The following CDHR5 variants were observed in gnomAD, a reference collection of about 807,000 sequenced individuals.
The protein encoded by CDHR5 is cadherin-related family member 5.
In CDHR5, 82 loss-of-function variants were observed where a neutral mutation model predicts 69.5. The observed-to-expected ratio is 1.18, with a 90% confidence interval of 0.99 to 1.42. The LOEUF (loss-of-function observed/expected upper bound fraction) is 1.42. Ranked by LOEUF, CDHR5 falls within the 40% of genes most tolerant of loss-of-function variation. The pLI is 0.00. For missense variants in CDHR5, 1,293 were observed against 1,168.9 expected, an observed-to-expected ratio of 1.11 and a Z score of -1.55; for synonymous variants, 601 against 510.2, an observed-to-expected ratio of 1.18 and a Z score of -2.40.
rs1220334312 is a variant in CDHR5, at chr11:621,323, G to A, written c.618+22C>T. Reference sequence around the variant, plus strand: ...GGGGGGCCTCAAGTGTGTGGGACTCGGGGCTGGGGTGACCTGCTCACCCGC... The same window carrying A: ...GGGGGGCCTCAAGTGTGTGGGACTCAGGGCTGGGGTGACCTGCTCACCCGC... On this transcript the variant is annotated intron_variant, in intron 6 of 14. Transcript: ENST00000397542. This position sits in a 1 kb window ranked among gnomAD's most constrained non-coding sequence, Gnocchi z 4.4. The A allele has an allele frequency of 3.7e-6, 6 of 1,612,518 alleles. No homozygotes were observed. Among genetic ancestry groups the A allele is most frequent in the Admixed American group, 3.3e-5 (2 of 59,998 alleles).
chr11:620,506 G>T, intron 7 of CDHR5, 120 bp from the exon 8 acceptor site: 1 of 657,792 alleles, frequency 1.5e-6, no homozygotes, highest in Non-Finnish European at 2.7e-6. Context: ...CCCGCTGGTG[G>T]CCGGGCGTCC....
At position 621,369 on chromosome 11, in the gene CDHR5, G is replaced by A; in HGVS notation, c.594C>T (p.Asn198=). The A allele has an allele frequency of 6.2e-7, 1 of 1,613,232 alleles. No homozygotes were observed. The highest frequency in any genetic ancestry group is 8.5e-7 in the Non-Finnish European group (1 of 1,179,966). The change falls in exon 6 of 15, where the codon AAC becomes AAT. Residue 198 remains asparagine (N), a synonymous_variant. Transcript: ENST00000397542. This position sits in a 1 kb window ranked among gnomAD's most constrained non-coding sequence, Gnocchi z 4.4. ...DRPLDFYERP[N]MTFWLLVRDT... is the part of the protein sequence containing the mutation. ...CCCGCACCAGCAGCCAGAAGGTCAT[G>A]TTCGGCCGCTCGTAGAAGTCCAGGG... is the stretch of plus-strand genomic sequence containing the variant.
In CDHR5 at chr11:624,532, T is replaced by C; in HGVS notation, c.261+25A>G. On this transcript the variant is annotated intron_variant, in intron 2 of 14. Coordinates refer to ENST00000397542, the MANE Select transcript of CDHR5 (RefSeq NM_021924.5). This position sits in a 1 kb window ranked among gnomAD's most constrained non-coding sequence, Gnocchi z 5.3. ...AGGTGCCCTTCTCCCGGGACCCCCATATCCCGCCCGCCTGCCGCCCACACC... is the reference window on the plus strand; with the variant it reads ...AGGTGCCCTTCTCCCGGGACCCCCACATCCCGCCCGCCTGCCGCCCACACC... The C allele has an allele frequency of 1.2e-6, 2 of 1,605,748 alleles. No homozygotes were observed. Among genetic ancestry groups the C allele is most frequent in the Non-Finnish European group, 1.7e-6 (2 of 1,174,402 alleles).
chr11:618,529 C>T, intron 13 of CDHR5, 70 bp downstream of exon 13: 2 of 1,568,578 alleles, frequency 1.3e-6, no homozygotes, highest in African/African-American at 1.3e-5. Context: ...GGGGTGGACC[C>T]TTCCTACAGC....
chr11:617,482 C>T lies in CDHR5; in HGVS notation c.2407G>A (p.Val803Met), dbSNP rs775311797. ...AGGGTGGGCGCGTTGAGAACGACCA[C>T]GTCTGCCTCCGTCCCGATGTCCTCG... ...FGEDIGTEADVVVLNAPTLDV... is the reference protein window; with the variant it reads ...FGEDIGTEADMVVLNAPTLDV... Residue 803 changes from valine to methionine, a missense_variant, in exon 15 of 15, where the codon GTG becomes ATG. Val to Met is a conservative substitution (Grantham distance 21). Coordinates refer to ENST00000397542, the MANE Select transcript of CDHR5 (RefSeq NM_021924.5). 2.8e-5 allele frequency: 45 copies of T among 1,612,744 alleles called. No individual in the cohort carries two copies. The highest frequency in any genetic ancestry group is 1.5e-4 in the African/African-American group (11 of 75,048).
In CDHR5 at chr11:621,986, T is replaced by C; in HGVS notation, c.313-82A>G. On this transcript the variant is annotated intron_variant, in intron 3 of 14. Coordinates refer to ENST00000397542, the MANE Select transcript of CDHR5 (RefSeq NM_021924.5). The surrounding 1 kb of genome is among the most constrained non-coding windows in gnomAD (Gnocchi z 4.4). Reference sequence around the variant, plus strand: ...CCTCGACGGCTATCCGTCCCCACCGTGAGTGAGGTGCACCCCTCAACGGCC... The same window carrying C: ...CCTCGACGGCTATCCGTCCCCACCGCGAGTGAGGTGCACCCCTCAACGGCC... 9.2e-7 allele frequency: 1 copy of C among 1,089,312 alleles called. No individual in the cohort carries two copies. The highest frequency in any genetic ancestry group is 1.3e-6 in the Non-Finnish European group (1 of 741,684). 67.5% of individuals were successfully genotyped at this position (1,089,312 alleles called of 1,614,324 possible). A position where few individuals can be genotyped will look rare whatever the true frequency, so the allele number is the denominator to read the frequency against.
In CDHR5 at chr11:617,244, CCAT is replaced by C; in HGVS notation, c.*104_*106del. The C allele has an allele frequency of 3.3e-6, 3 of 911,756 alleles. No individual in the cohort carries two copies. The East Asian group carries it at 7.9e-5, about 24-fold the overall frequency. The allele number at this position is 911,756 out of a possible 1,614,324, so 56.5% of individuals were successfully genotyped here. A position where few individuals can be genotyped will look rare whatever the true frequency, so the allele number is the denominator to read the frequency against. The stretch of plus-strand genomic sequence containing the variant: ...CATGGACCCGCGCGCCTGCCCCACG[CCAT>C]GGCCTGGGTTTCGGGAGCCTTGCTT... On this transcript the variant is annotated 3_prime_UTR_variant, in exon 15 of 15. Coordinates refer to ENST00000397542, the MANE Select transcript of CDHR5 (RefSeq NM_021924.5).
Position 621,793 on chromosome 11 carries a change from G to A in CDHR5, c.405+19C>T, listed in dbSNP as rs575662774. 2.0e-5 allele frequency: 32 copies of A among 1,607,190 alleles called. No individual in the cohort carries two copies. The highest frequency in any genetic ancestry group is 3.3e-4 in the Middle Eastern group (2 of 6,040). Reference sequence around the variant, plus strand: ...TCCCACACCCCCGTGCCCAGTCCCCGCGGCTTCGCTGGCCTCACCTCCTCC... The same window carrying A: ...TCCCACACCCCCGTGCCCAGTCCCCACGGCTTCGCTGGCCTCACCTCCTCC... On this transcript the variant is annotated intron_variant, in intron 4 of 14. Coordinates refer to ENST00000397542, the MANE Select transcript of CDHR5 (RefSeq NM_021924.5). This position sits in a 1 kb window ranked among gnomAD's most constrained non-coding sequence, Gnocchi z 4.4.
chr11:624,492 G>T lies in CDHR5; in HGVS notation c.261+65C>A. 1 of 1,508,368 alleles carries T rather than the reference G, an allele frequency of 6.6e-7. No individual in the cohort carries two copies. 93.4% of individuals were successfully genotyped at this position (1,508,368 alleles called of 1,614,324 possible). A position where few individuals can be genotyped will look rare whatever the true frequency, so the allele number is the denominator to read the frequency against. On this transcript the variant is annotated intron_variant, in intron 2 of 14. Coordinates refer to ENST00000397542, the MANE Select transcript of CDHR5 (RefSeq NM_021924.5). The surrounding 1 kb of genome is among the most constrained non-coding windows in gnomAD (Gnocchi z 5.3). ...GAACTCCTAGGCCCCCAAGGGAGGT[G>T]TGGCCTGAGGATGCAGGTGCCCTTC... is the stretch of plus-strand genomic sequence containing the variant.
Position 617,086 on chromosome 11 carries a change from G to C in CDHR5, c.*265C>G. ...AGCTGGCACAGAGCCTCGGGAAGGC[G>C]GCGGGCACTGCAGGTGGTTTACGGG... On this transcript the variant is annotated 3_prime_UTR_variant, in exon 15 of 15. Transcript: ENST00000397542. 1 of 519,662 alleles carries C rather than the reference G, an allele frequency of 1.9e-6. No individual in the cohort carries two copies. The highest frequency in any genetic ancestry group is 3.2e-5 in the East Asian group (1 of 30,958). 32.2% of individuals were successfully genotyped at this position (519,662 alleles called of 1,614,324 possible).
intron 3 of CDHR5, among the ~76,000 whole-genome samples, 160 bp from the exon 4 acceptor site, chr11:622,064 TGTGA>T (rs71462101): frequency 0.25 from 34,748 of 141,236 alleles, 4,365 homozygotes; most frequent in African/African-American, 0.33. Context: ...CCGTCCCTGC[TGTGA>T]GTGAGGTGCA....
rs1233428703 is a variant in CDHR5 at position 624,438 on chromosome 11, A to G, written c.261+119T>C. On this transcript the variant is annotated intron_variant, in intron 2 of 14. Coordinates refer to ENST00000397542, the MANE Select transcript of CDHR5 (RefSeq NM_021924.5). The surrounding 1 kb of genome is among the most constrained non-coding windows in gnomAD (Gnocchi z 5.3). ...CCTTCTAGGGCAGGCACCACCAAGC[A>G]TGGGTGTCAGTGGATGCCCGCAGGC... 4.7e-6 allele frequency: 5 copies of G among 1,053,356 alleles called. No homozygotes were observed. The highest frequency in any genetic ancestry group is 5.9e-6 in the Non-Finnish European group (4 of 678,532). The allele number at this position is 1,053,356 out of a possible 1,614,324, so 65.3% of individuals were successfully genotyped here.
rs746728610 is a variant in CDHR5 at position 619,865 on chromosome 11, A to G, written c.995T>C (p.Leu332Pro). The stretch of plus-strand genomic sequence containing the variant: ...GACCTGGGTCACTGAGTAGCGGGCA[A>G]GGTCGGCCTGTTGGCCCTGGAGGCG... The part of the protein sequence containing the change: ...LLLVKGQQAD[L>P]ARYSVTQVTV... Residue 332 changes from leucine (L) to proline (P), a missense_variant, in exon 10 of 15, where the codon CTT becomes CCT. Leu to Pro is a moderately conservative substitution (Grantham distance 98). Coordinates refer to ENST00000397542, the MANE Select transcript of CDHR5 (RefSeq NM_021924.5). 20 of 1,550,190 alleles carry G rather than the reference A, an allele frequency of 1.3e-5. No homozygotes were observed. Among genetic ancestry groups the G allele is most frequent in the Middle Eastern group, 3.4e-4 (2 of 5,838 alleles).
At position 619,813 on chromosome 11, in the gene CDHR5, C is replaced by A. The variant is rs1198415550; in HGVS notation, c.1047G>T (p.Gly349=). The A allele has an allele frequency of 1.9e-6, 3 of 1,584,530 alleles. No homozygotes were observed. Among genetic ancestry groups the A allele is most frequent in the South Asian group, 1.1e-5 (1 of 88,250 alleles). Residue 349 remains glycine (G), a synonymous_variant, in exon 10 of 15, where the codon GGG becomes GGT. Transcript: ENST00000397542. ...GTCTCTGGGGGAAGCGGGGCGGGCT[C>A]CCGGCCGCAGCCACAGCCTCCACGG... ...QVTVEAVAAA[G]SPPRFPQRLY...
At position 617,215 on chromosome 11, in the gene CDHR5, C is replaced by G; in HGVS notation, c.*136G>C. 1 of 670,528 alleles carries G rather than the reference C, an allele frequency of 1.5e-6. No individual in the cohort carries two copies. Among genetic ancestry groups the G allele is most frequent in the African/African-American group, 1.8e-5 (1 of 54,894 alleles). The allele number at this position is 670,528 out of a possible 1,614,324, so 41.5% of individuals were successfully genotyped here. ...ACGACAGGGGACTGAGTGAATGGGA[C>G]CCCCATGGACCCGCGCGCCTGCCCC... On this transcript the variant is annotated 3_prime_UTR_variant, in exon 15 of 15. Transcript: ENST00000397542.
rs137883594 is a variant in CDHR5 at position 624,818 on chromosome 11, A to C, written c.85T>G (p.Tyr29Asp). The C allele has an allele frequency of 2.9e-5, 47 of 1,609,196 alleles. 1 individual carries two copies. Among genetic ancestry groups the C allele is most frequent in the Non-Finnish European group, 1.5e-5 (18 of 1,178,186 alleles). Residue 29 changes from tyrosine (Y) to aspartate (D), a missense_variant and splice_region_variant, in exon 1 of 15, where the codon TAC (tyrosine) becomes GAC (aspartate). Physicochemically the swap from Tyr to Asp is radical, Grantham distance 160. Coordinates refer to ENST00000397542, the MANE Select transcript of CDHR5 (RefSeq NM_021924.5). The surrounding 1 kb of genome is among the most constrained non-coding windows in gnomAD (Gnocchi z 5.3). The part of the protein sequence containing the change: ...RPPGTMAQAQ[Y>D]CSVNKDIFEV... ...CCCACCTACCCCTGCCCGCACATAC[A>C]CTGGGCCTGGGCCATGGTCCCCGGG...
In CDHR5 at chr11:619,314, G is replaced by T. The variant is rs142311392; in HGVS notation, c.1370C>A (p.Pro457His). Reference sequence around the variant, plus strand: ...TGTGGAGGGGGGCTTACCTGTGGAGGGGGGCTCCTGTTCGGAAACTTGTAT... The same window carrying T: ...TGTGGAGGGGGGCTTACCTGTGGAGTGGGGCTCCTGTTCGGAAACTTGTAT... ...IEIQVSEQEP[P>H]STDVPPSPEA... is the part of the protein sequence containing the mutation. The change falls in exon 12 of 15, where the codon CCC becomes CAC. Residue 457 changes from proline (P) to histidine (H), a missense_variant. Pro to His is a moderately conservative substitution (Grantham distance 77). Coordinates refer to ENST00000397542, the MANE Select transcript of CDHR5 (RefSeq NM_021924.5). The T allele has an allele frequency of 8.7e-6, 14 of 1,609,928 alleles. 1 individual carries two copies. Among genetic ancestry groups the T allele is most frequent in the South Asian group, 5.5e-5 (5 of 90,946 alleles).
intron 8 of CDHR5, 47 bp from the exon 9 acceptor site, chr11:620,211 G>C (rs753422937): frequency 6.3e-7 from 1 of 1,593,258 alleles, no homozygotes; most frequent in South Asian, 1.1e-5. Context: ...TGAGGCCCAG[G>C]GACCCAGCCA....
chr11:617,876 C>A, intron 14 of CDHR5, 78 bp downstream of exon 14: 1 of 1,535,400 alleles, frequency 6.5e-7, no homozygotes, highest in East Asian at 2.3e-5. Context: ...ACATCTGTCC[C>A]TCTGCCCTCC....
Sources: allele counts gnomAD v4.1 joint callset (sites outside exome capture counted in the v4.1 genomes callset), GRCh38; gene constraint gnomAD v4.1.1; non-coding constraint Gnocchi (gnomAD v3.1); transcripts MANE v1.5; gene names NCBI Gene and HGNC (gene_info 2026-07-23, HGNC 2026-07-21).